The following PGM5 variants were observed in gnomAD, a reference collection of about 807,000 sequenced individuals.
PGM5 encodes phosphoglucomutase 5.
PGM5 carries 23 observed loss-of-function variants against 59.2 expected under a neutral mutation model. The ratio of observed to expected loss-of-function variants is 0.39; its 90% CI spans 0.28 to 0.55. The LOEUF (loss-of-function observed/expected upper bound fraction) is 0.55, where lower values mean the gene tolerates loss of function less well. Among genes scored for constraint, PGM5 ranks in the 20% least tolerant of loss-of-function variants. The pLI is 0.66. For synonymous variants in PGM5, 214 were observed against 286.0 expected, an observed-to-expected ratio of 0.75 and a Z score of 2.54; for missense variants, 574 against 748.3, an observed-to-expected ratio of 0.77 and a Z score of 2.72.
At chr9:68,422,001 A>C (rs1356255854) in intron 6 of PGM5, among the ~76,000 whole-genome samples, 1 of 152,154 alleles carries the variant, frequency 6.6e-6, no homozygotes, top group Non-Finnish European at 1.5e-5. Context: ...ATGTTAAAGC[A>C]ATGAAGATCA....
At chr9:68,373,856 T>G (rs1287498415) in intron 1 of PGM5, among the ~76,000 whole-genome samples, 1 of 152,224 alleles carries the variant, frequency 6.6e-6, no homozygotes, top group African/African-American at 2.4e-5. Flanking sequence ...ACTCTGGCAT[T>G]GCCTAGAGCC....
intron 6 of PGM5, among the ~76,000 whole-genome samples, chr9:68,412,148 T>C (rs1173923800): frequency 1.3e-5 from 2 of 150,858 alleles, no homozygotes; most frequent in East Asian, 3.9e-4. Flanking sequence ...TCTTGTCTGA[T>C]TGTCATGCAA....
rs34409754 is a variant in PGM5 at position 68,450,661 on chromosome 9, AG to A, written c.1044-14426del. Among the ~76,000 whole-genome samples, 6 of 152,312 alleles carry A rather than the reference AG, an allele frequency of 3.9e-5. No homozygotes were observed. In the South Asian group the frequency reaches 1.2e-3, roughly 32 times the overall value. ...TTGGATATGCACATTTGGTTTCATG[AG>A]GGGGGAAAAATCCACTGTCATATTT... On this transcript the variant is annotated intron_variant, in intron 6 of 10. Coordinates refer to ENST00000396396, the MANE Select transcript of PGM5 (RefSeq NM_021965.4).
In PGM5 at chr9:68,443,850, T is replaced by G. The variant is rs1031238551; in HGVS notation, c.1044-21243T>G. 1.1e-4 allele frequency among the ~76,000 whole-genome samples: 17 copies of G among 152,254 alleles called. 1 individual carries two copies. The highest frequency in any genetic ancestry group is 6.5e-5 in the Admixed American group (1 of 15,288). ...TTAAGACTTTAAAGTAATGGAGCCCTGCTCCTATTATGTGGAAATTGCATG... is the reference window on the plus strand; with the variant it reads ...TTAAGACTTTAAAGTAATGGAGCCCGGCTCCTATTATGTGGAAATTGCATG... On this transcript the variant is annotated intron_variant, in intron 6 of 10. Coordinates refer to ENST00000396396, the MANE Select transcript of PGM5 (RefSeq NM_021965.4).
intron 1 of PGM5, among the ~76,000 whole-genome samples, chr9:68,362,715 T>G (rs1834598996): frequency 6.6e-6 from 1 of 152,168 alleles, no homozygotes; most frequent in African/African-American, 2.4e-5. Context: ...ACTACAGGAA[T>G]GCCTTTGTCC....
At chr9:68,380,088 A>G (rs4097697) in intron 2 of PGM5, among the ~76,000 whole-genome samples, 42,916 of 145,130 alleles carry the variant, frequency 0.3, 5,001 homozygotes, top group Admixed American at 0.34. Flanking sequence ...TTTGAACTAT[A>G]CTTCAGACCA....
chr9:68,480,846 A>G (rs1218423863), intron 8 of PGM5, among the ~76,000 whole-genome samples: 1 of 152,202 alleles, frequency 6.6e-6, no homozygotes, highest in Non-Finnish European at 1.5e-5. Flanking sequence ...TTGTTTAAGT[A>G]AATGAAAGTA....
intron 6 of PGM5, chr9:68,398,976 A>G (rs1418242335): frequency 6.6e-6 from 1 of 152,174 alleles, no homozygotes; most frequent in African/African-American, 2.4e-5. Context: ...GCCCCACCAT[A>G]GACAACCACA....
intron 6 of PGM5, among the ~76,000 whole-genome samples, chr9:68,400,297 A>G (rs553819067): frequency 1.3e-5 from 2 of 152,302 alleles, no homozygotes; most frequent in South Asian, 4.1e-4. Context: ...TCTCCTGATT[A>G]TGAACACTTC....
rs202214679 is a variant in PGM5, at chr9:68,437,566, GACAC to G, written c.1044-27520_1044-27517del. ...AGGATAGGAATCAATTTTTCAAAGG[GACAC>G]ACACACTCACACACACACACACACA... On this transcript the variant is annotated intron_variant, in intron 6 of 10. Coordinates refer to ENST00000396396, the MANE Select transcript of PGM5 (RefSeq NM_021965.4). The surrounding 1 kb of genome is among the most constrained non-coding windows in gnomAD (Gnocchi z 4.1). Among the ~76,000 whole-genome samples the G allele has an allele frequency of 1.3e-5, 2 of 149,942 alleles. No individual in the cohort carries two copies. Among genetic ancestry groups the G allele is most frequent in the African/African-American group, 2.5e-5 (1 of 39,908 alleles).
intron 10 of PGM5, among the ~76,000 whole-genome samples, chr9:68,518,005 C>G (rs1201830526): frequency 6.6e-6 from 1 of 152,194 alleles, no homozygotes; most frequent in Non-Finnish European, 1.5e-5. Flanking sequence ...AGGTGACCGG[C>G]ATCAGGTCCA....
intron 6 of PGM5, among the ~76,000 whole-genome samples, chr9:68,463,106 G>C (rs1823881447): frequency 6.6e-6 from 1 of 151,812 alleles, no homozygotes; most frequent in South Asian, 2.1e-4. Context: ...CAGTTTTTCA[G>C]TCCTGAGCAC....
At chr9:68,371,224 G>A (rs1371826190) in intron 1 of PGM5, among the ~76,000 whole-genome samples, 1 of 152,236 alleles carries the variant, frequency 6.6e-6, no homozygotes. Flanking sequence ...GGTGTGGGAC[G>A]TTCAGCGGGG....
intron 2 of PGM5, among the ~76,000 whole-genome samples, chr9:68,379,631 A>G (rs1166515814): frequency 6.6e-6 from 1 of 152,126 alleles, no homozygotes; most frequent in African/African-American, 2.4e-5. Flanking sequence ...ACATGGGTTA[A>G]ACTCTCCAAT....
chr9:68,399,636 ATT>A (rs557358893), intron 6 of PGM5, among the ~76,000 whole-genome samples: 1 of 143,028 alleles, frequency 7.0e-6, no homozygotes, highest in African/African-American at 2.5e-5. Context: ...TCCTTTGACC[ATT>A]TTTTTTTTTC....
At chr9:68,478,207 C>T (rs146015740) in intron 7 of PGM5, among the ~76,000 whole-genome samples, 2,235 of 152,336 alleles carry the variant, frequency 0.015, 34 homozygotes, top group Admixed American at 0.024. Context: ...CTTCTGGGTT[C>T]TCATTGCACA....
intron 10 of PGM5, among the ~76,000 whole-genome samples, chr9:68,503,410 A>G (rs1416928955): frequency 1.3e-5 from 2 of 152,238 alleles, no homozygotes; most frequent in Non-Finnish European, 2.9e-5. Context: ...CATGAAATGA[A>G]TACTGTACTG....
chr9:68,422,221 A>T (rs2132048556), intron 6 of PGM5, among the ~76,000 whole-genome samples: 1 of 152,302 alleles, frequency 6.6e-6, no homozygotes, highest in South Asian at 2.1e-4. Context: ...TTGACCTGAA[A>T]AAACATTTAG....
chr9:68,458,645 T>C (rs1202276491), intron 6 of PGM5, among the ~76,000 whole-genome samples: 1 of 152,158 alleles, frequency 6.6e-6, no homozygotes, highest in Admixed American at 6.5e-5. Flanking sequence ...TTATTTAATA[T>C]GTGGATTTTG....
Sources: allele counts gnomAD v4.1 joint callset (sites outside exome capture counted in the v4.1 genomes callset), GRCh38; gene constraint gnomAD v4.1.1; non-coding constraint Gnocchi (gnomAD v3.1); transcripts MANE v1.5; gene names NCBI Gene and HGNC (gene_info 2026-07-23, HGNC 2026-07-21).